Variants in OSBPL10 observed in about 807,000 individuals in gnomAD.
OSBPL10 encodes oxysterol binding protein like 10.
A neutral mutation model predicts 81.7 loss-of-function variants in OSBPL10; 49 were observed. The observed-to-expected ratio is 0.60, with a 90% CI of 0.48 to 0.76. The LOEUF (loss-of-function observed/expected upper bound fraction) is 0.76. Among genes scored for constraint, OSBPL10 ranks in the 30% least tolerant of loss-of-function variants. The pLI is 0.00. For synonymous variants in OSBPL10, 419 were observed against 383.6 expected, an observed-to-expected ratio of 1.09 and a Z score of -1.08; for missense variants, 923 against 987.8, an observed-to-expected ratio of 0.93 and a Z score of 0.88.
At chr3:31,797,937 G>A (rs1253714131) in intron 4 of OSBPL10, 2 of 340,360 alleles carry the variant, frequency 5.9e-6, no homozygotes, top group African/African-American at 4.4e-5. Flanking sequence ...TACAGTCCCT[G>A]TTGTTAACTG....
At chr3:31,907,320 TA>T (rs1696436956) in intron 1 of OSBPL10, among the ~76,000 whole-genome samples, 1 of 152,082 alleles carries the variant, frequency 6.6e-6, no homozygotes, top group African/African-American at 2.4e-5. Flanking sequence ...GTAAGAAAAG[TA>T]AGACTGGTAA....
intron 4 of OSBPL10, among the ~76,000 whole-genome samples, chr3:31,749,134 C>T (rs1697631776): frequency 6.6e-6 from 1 of 152,188 alleles, no homozygotes; most frequent in South Asian, 2.1e-4. Flanking sequence ...TTTGAAGTAA[C>T]ATCTCCTACT....
intron 1 of OSBPL10, among the ~76,000 whole-genome samples, chr3:31,927,798 C>T (rs896490485): frequency 9.2e-5 from 14 of 152,110 alleles, no homozygotes; most frequent in East Asian, 3.9e-4. Context: ...CTAAAACATG[C>T]GTAAAGAGGC....
intron 5 of OSBPL10, among the ~76,000 whole-genome samples, chr3:31,742,260 A>C (rs1697374759): frequency 6.6e-6 from 1 of 152,228 alleles, no homozygotes; most frequent in Non-Finnish European, 1.5e-5. Flanking sequence ...GTACCGCAAA[A>C]GGAAGAAGGC....
Position 31,903,336 on chromosome 3 carries a change from T to G in OSBPL10, c.282-23506A>C, listed in dbSNP as rs564657421. ...GTTTTGTTTTGCTTTTTAGGTTTTT[T>G]TTTTTTTTTTAGACAAGGTCTCACT... On this transcript the variant is annotated intron_variant, in intron 1 of 11. Transcript: ENST00000396556. Among the ~76,000 whole-genome samples the G allele has an allele frequency of 2.0e-5, 3 of 150,806 alleles. No individual in the cohort carries two copies. The East Asian group carries it at 5.8e-4, about 29-fold the overall frequency.
chr3:32,011,186 C>A (rs1010977294), intron 2 of OSBPL10, among the ~76,000 whole-genome samples: 6 of 152,318 alleles, frequency 3.9e-5, no homozygotes, highest in African/African-American at 1.2e-4. Context: ...CTGGGAGGCA[C>A]CCCCCAGTAG....
intron 5 of OSBPL10, among the ~76,000 whole-genome samples, chr3:31,737,966 C>CTCCAGCCT (rs1369428490): frequency 6.7e-6 from 1 of 150,266 alleles, no homozygotes; most frequent in Non-Finnish European, 1.5e-5. Flanking sequence ...CACTCCAGCC[C>CTCCAGCCT]TCCAGCCTGG....
At chr3:31,802,579 C>A (rs943270846) in intron 4 of OSBPL10, among the ~76,000 whole-genome samples, 4 of 143,414 alleles carry the variant, frequency 2.8e-5, no homozygotes, top group South Asian at 2.3e-4. Context: ...AAAGAGAATT[C>A]TCTGGATTGT....
intron 3 of OSBPL10, among the ~76,000 whole-genome samples, chr3:31,834,451 C>T (rs549943765): frequency 6.6e-6 from 1 of 152,128 alleles, no homozygotes; most frequent in South Asian, 2.1e-4. Flanking sequence ...GCTGATGATG[C>T]GGGACAGCAA....
At chr3:32,066,790 A>T (rs1484289967) in intron 1 of OSBPL10, among the ~76,000 whole-genome samples, 1 of 152,214 alleles carries the variant, frequency 6.6e-6, no homozygotes, top group Non-Finnish European at 1.5e-5. Context: ...GCCCATCTTA[A>T]ACAAAACTCC....
At chr3:31,928,224 G>A (rs755183198) in intron 1 of OSBPL10, among the ~76,000 whole-genome samples, 4 of 152,056 alleles carry the variant, frequency 2.6e-5, no homozygotes, top group Non-Finnish European at 5.9e-5. Flanking sequence ...ACTTTAATTC[G>A]GAGGTATTGA....
At chr3:32,008,273 C>A (rs1349976952) in intron 2 of OSBPL10, among the ~76,000 whole-genome samples, 1 of 151,382 alleles carries the variant, frequency 6.6e-6, no homozygotes, top group Non-Finnish European at 1.5e-5. Flanking sequence ...CTGCTTCAGC[C>A]TCCTGAGTAG....
intron 3 of OSBPL10, among the ~76,000 whole-genome samples, chr3:31,833,097 T>C (rs941995912): frequency 2.0e-5 from 3 of 152,208 alleles, no homozygotes; most frequent in African/African-American, 7.2e-5. Flanking sequence ...ATCTTTTCAC[T>C]TGGAGAGTAG....
intron 1 of OSBPL10, among the ~76,000 whole-genome samples, chr3:31,962,472 T>C (rs1698197095): frequency 1.3e-5 from 2 of 150,448 alleles, no homozygotes; most frequent in Admixed American, 1.3e-4. Context: ...AACTGTACAC[T>C]TACAAATGGT....
chr3:31,954,047 C>T (rs1168539392), intron 1 of OSBPL10, among the ~76,000 whole-genome samples: 1 of 152,204 alleles, frequency 6.6e-6, no homozygotes, highest in African/African-American at 2.4e-5. Flanking sequence ...CTAGCATGCA[C>T]AAAGCATGTC....
intron 7 of OSBPL10, among the ~76,000 whole-genome samples, chr3:31,694,902 G>A (rs907819405): frequency 1.3e-5 from 2 of 152,132 alleles, no homozygotes; most frequent in Non-Finnish European, 2.9e-5. Flanking sequence ...TTACAGGCAT[G>A]TGCCACCATG....
intron 1 of OSBPL10, among the ~76,000 whole-genome samples, chr3:32,047,108 G>A (rs887194490): frequency 6.6e-6 from 1 of 152,086 alleles, no homozygotes; most frequent in African/African-American, 2.4e-5. Context: ...CTCCCAGATA[G>A]CTGAGACTCT....
At chr3:31,756,497 TAA>T (rs1697893807) in intron 4 of OSBPL10, among the ~76,000 whole-genome samples, 2 of 152,246 alleles carry the variant, frequency 1.3e-5, no homozygotes, top group African/African-American at 4.8e-5. Context: ...TTCCTGGAGA[TAA>T]GTGCTGTTAA....
intron 2 of OSBPL10, chr3:31,991,097 G>T: frequency 1.0e-6 from 1 of 986,548 alleles, no homozygotes. Context: ...ATTGACTTGA[G>T]TTTCAGTTGA....
Sources: allele counts gnomAD v4.1 joint callset (sites outside exome capture counted in the v4.1 genomes callset), GRCh38; gene constraint gnomAD v4.1.1; transcripts MANE v1.5; gene names NCBI Gene and HGNC (gene_info 2026-07-23, HGNC 2026-07-21).